THRB: variants seen among roughly 807,000 people sequenced by gnomAD.
The protein encoded by THRB is thyroid hormone receptor beta, also known as nuclear receptor subfamily 1 group A member 2.
THRB carries 12 observed loss-of-function variants against 47.8 expected under a neutral mutation model. The observed-to-expected ratio is 0.25, with a 90% CI of 0.16 to 0.41. THRB has a LOEUF of 0.41. Ranked by LOEUF, THRB falls within the 10% of genes least tolerant of loss-of-function variation. THRB has a pLI of 1.00. For synonymous variants in THRB, 218 were observed against 212.2 expected (o/e 1.03, Z -0.24); for missense variants, 348 against 589.2 (o/e 0.59, Z 4.24).
At chr3:24,483,053 TCTTA>T (rs1328564078) in intron 1 of THRB, among the ~76,000 whole-genome samples, 5 of 152,174 alleles carry the variant, frequency 3.3e-5, no homozygotes, top group South Asian at 4.1e-4. Context: ...GTCCTTTGTG[TCTTA>T]CTTCTTAAAA....
chr3:24,255,758 A>T (rs573204310), intron 3 of THRB, among the ~76,000 whole-genome samples: 1 of 152,344 alleles, frequency 6.6e-6, no homozygotes, highest in East Asian at 1.9e-4. Flanking sequence ...GTCTGGAGAG[A>T]CAGACAGGAG....
intron 1 of THRB, among the ~76,000 whole-genome samples, chr3:24,408,410 T>G (rs1577366228): frequency 6.6e-6 from 1 of 151,994 alleles, no homozygotes; most frequent in Non-Finnish European, 1.5e-5. Flanking sequence ...ATTGTACCAT[T>G]CTGCTGTTGT....
In THRB at chr3:24,147,043, CT is replaced by C. The variant is rs541885958; in HGVS notation, c.385-222del. Among the ~76,000 whole-genome samples the C allele has an allele frequency of 7.9e-5, 12 of 151,052 alleles. No individual in the cohort carries two copies. In the East Asian group the frequency reaches 9.7e-4, roughly 12 times the overall value. On this transcript the variant is annotated intron_variant, in intron 6 of 10. Transcript: ENST00000646209. ...TGCCATAGGACTACAGAGTCAACAC[CT>C]TTTTTTTTGGTCTTTATTCAAGGAA... is the stretch of plus-strand genomic sequence containing the variant.
intron 4 of THRB, among the ~76,000 whole-genome samples, chr3:24,196,345 T>A (rs1244309956): frequency 1.3e-5 from 2 of 151,872 alleles, no homozygotes; most frequent in African/African-American, 4.8e-5. Context: ...GCCAAAAAAA[T>A]AAAAATAAAA....
At chr3:24,384,380 T>G (rs1191733971) in intron 1 of THRB, among the ~76,000 whole-genome samples, 1 of 152,154 alleles carries the variant, frequency 6.6e-6, no homozygotes, top group Non-Finnish European at 1.5e-5. Flanking sequence ...GTTACAACTT[T>G]AAGAACTTCT....
In THRB at chr3:24,188,964, A is replaced by G. The variant is rs146299356; in HGVS notation, c.283+1110T>C. On this transcript the variant is annotated intron_variant, in intron 5 of 10. Transcript: ENST00000646209. ...CTGCACTCAAATCAGAGCTCAGAAC[A>G]CTATTTCACTATTACTTTTGAATAA... Among the ~76,000 whole-genome samples the G allele has an allele frequency of 1.7e-3, 251 of 150,058 alleles. 1 individual carries two copies. Among genetic ancestry groups the G allele is most frequent in the Middle Eastern group, 6.9e-3 (2 of 288 alleles).
intron 3 of THRB, among the ~76,000 whole-genome samples, chr3:24,283,317 A>G (rs1461310349): frequency 6.6e-6 from 1 of 152,194 alleles, no homozygotes; most frequent in Non-Finnish European, 1.5e-5. Flanking sequence ...ATATAAACAG[A>G]ACCAAAGACA....
At chr3:24,405,638 T>A (rs1398151422) in intron 1 of THRB, among the ~76,000 whole-genome samples, 1 of 151,898 alleles carries the variant, frequency 6.6e-6, no homozygotes, top group Non-Finnish European at 1.5e-5. Flanking sequence ...TGTAGCAACT[T>A]GATCAAGTCT....
At chr3:24,149,186 C>A (rs1039872073) in intron 6 of THRB, among the ~76,000 whole-genome samples, 1 of 152,146 alleles carries the variant, frequency 6.6e-6, no homozygotes, top group East Asian at 1.9e-4. Context: ...CCAGAGATTC[C>A]TGGCAAGAAG....
chr3:24,130,482 C>A (rs1319001608), intron 9 of THRB, among the ~76,000 whole-genome samples: 1 of 152,026 alleles, frequency 6.6e-6, no homozygotes, highest in Admixed American at 6.6e-5. Context: ...TCAAAGGGTA[C>A]CATATGACTG....
At chr3:24,230,123 G>T (rs565956828) in intron 3 of THRB, among the ~76,000 whole-genome samples, 1 of 152,154 alleles carries the variant, frequency 6.6e-6, no homozygotes, top group South Asian at 2.1e-4. Flanking sequence ...ACGAGGCAGA[G>T]GAAGTGTGTG....
intron 1 of THRB, among the ~76,000 whole-genome samples, chr3:24,432,221 G>C (rs553003048): frequency 1.3e-5 from 2 of 152,172 alleles, no homozygotes; most frequent in Admixed American, 1.3e-4. Flanking sequence ...AAGAAAAAGA[G>C]AGAGACCAAG....
At chr3:24,474,800 A>G (rs1170268326) in intron 1 of THRB, among the ~76,000 whole-genome samples, 1 of 152,196 alleles carries the variant, frequency 6.6e-6, no homozygotes. Flanking sequence ...AGCCTCAAAC[A>G]TAATTTACAG....
intron 2 of THRB, among the ~76,000 whole-genome samples, chr3:24,302,325 T>C (rs944161793): frequency 5.3e-5 from 8 of 152,346 alleles, no homozygotes; most frequent in East Asian, 3.9e-4. Context: ...GCCTCTGTTC[T>C]TGTTTTGTTT....
intron 1 of THRB, among the ~76,000 whole-genome samples, chr3:24,367,076 G>C (rs2064528224): frequency 1.3e-5 from 2 of 152,232 alleles, no homozygotes; most frequent in Non-Finnish European, 2.9e-5. Context: ...CAACAAATGT[G>C]TGCTAAACAC....
intron 3 of THRB, among the ~76,000 whole-genome samples, chr3:24,236,431 G>C (rs926946088): frequency 6.6e-6 from 1 of 152,040 alleles, no homozygotes; most frequent in Non-Finnish European, 1.5e-5. Flanking sequence ...CAAATGTAAG[G>C]TATTGGGAGA....
chr3:24,186,220 C>G (rs826215), intron 5 of THRB, among the ~76,000 whole-genome samples: 67,796 of 151,988 alleles, frequency 0.45, 17,406 homozygotes, highest in African/African-American at 0.71. Context: ...TAGAGATTCA[C>G]TAGTCTGGGT....
chr3:24,199,899 T>C (rs2044391948), intron 4 of THRB, among the ~76,000 whole-genome samples: 2 of 152,146 alleles, frequency 1.3e-5, no homozygotes, highest in Admixed American at 6.5e-5. Flanking sequence ...TTTAACCACA[T>C]AGGAACAAGC....
At chr3:24,251,301 T>A (rs2050643727) in intron 3 of THRB, among the ~76,000 whole-genome samples, 1 of 151,958 alleles carries the variant, frequency 6.6e-6, no homozygotes, top group South Asian at 2.1e-4. Context: ...GAACCACAGA[T>A]AAAAGAAAGC....
Sources: gnomAD v4.1 joint callset for allele counts (sites outside exome capture counted in the v4.1 genomes callset) on GRCh38, gnomAD v4.1.1 for gene constraint, MANE v1.5 for transcripts, NCBI Gene and HGNC (gene_info 2026-07-23, HGNC 2026-07-21) for gene names.